Variants in HECW1 observed in about 807,000 individuals in gnomAD.
The protein encoded by HECW1 is E3 ubiquitin-protein ligase HECW1.
HECW1 carries 61 observed loss-of-function variants against 182.3 expected under a neutral mutation model. The observed-to-expected ratio is 0.33, with a 90% CI of 0.27 to 0.41. The LOEUF (loss-of-function observed/expected upper bound fraction) is 0.41. HECW1 is among the 10% of genes least tolerant of loss of function. HECW1 has a pLI of 1.00. For missense variants in HECW1, 1,739 were observed against 2,108.9 expected, an observed-to-expected ratio of 0.82 and a Z score of 3.44; for synonymous variants, 859 against 832.6, an observed-to-expected ratio of 1.03 and a Z score of -0.55.
At chr7:43,493,420 T>C (rs1417083013) in intron 19 of HECW1, among the ~76,000 whole-genome samples, 3 of 152,140 alleles carry the variant, frequency 2.0e-5, no homozygotes, top group African/African-American at 7.2e-5. Context: ...ATGATTTCCA[T>C]TGATGTAGGG....
intron 2 of HECW1, among the ~76,000 whole-genome samples, chr7:43,166,450 A>G (rs535953088): frequency 6.6e-6 from 1 of 152,270 alleles, no homozygotes; most frequent in South Asian, 2.1e-4. Flanking sequence ...CTATAATAGT[A>G]TTAGGATCTA....
chr7:43,183,841 T>G (rs145294313), intron 2 of HECW1, among the ~76,000 whole-genome samples: 1,537 of 152,288 alleles, frequency 0.01, 22 homozygotes, highest in African/African-American at 0.035. Flanking sequence ...TTTTTCTGAA[T>G]ACTGGAAGAA....
At chr7:43,332,688 A>ATT (rs2152792669) in intron 5 of HECW1, among the ~76,000 whole-genome samples, 1 of 152,282 alleles carries the variant, frequency 6.6e-6, no homozygotes, top group South Asian at 2.1e-4. Context: ...CCTGGGGAAC[A>ATT]GTACATGGGC....
At chr7:43,137,619 G>A (rs193082608) in intron 2 of HECW1, among the ~76,000 whole-genome samples, 7 of 151,626 alleles carry the variant, frequency 4.6e-5, no homozygotes, top group South Asian at 2.1e-4. Flanking sequence ...GTACAATCAC[G>A]GCTCACTGCA....
In HECW1 at chr7:43,444,798, G is replaced by A. The variant is rs769573297; in HGVS notation, c.1626G>A (p.Leu542=). ...CCTGCTCCTTGCCTGTGTCCGAGCT[G>A]GAGACGGTGATCGCGTCAGCCTGCG... is the stretch of plus-strand genomic sequence containing the variant. The part of the protein sequence containing the change: ...SRPCSLPVSE[L]ETVIASACGD... Residue 542 remains leucine, a synonymous_variant, in exon 11 of 30, where the codon CTG becomes CTA. Coordinates refer to ENST00000395891, the MANE Select transcript of HECW1 (RefSeq NM_015052.5). This position sits in a 1 kb window ranked among gnomAD's most constrained non-coding sequence, Gnocchi z 4.3. 2.5e-6 allele frequency: 4 copies of A among 1,614,114 alleles called. No individual in the cohort carries two copies. Among genetic ancestry groups the A allele is most frequent in the Non-Finnish European group, 3.4e-6 (4 of 1,180,030 alleles).
chr7:43,452,810 T>C (rs752474160), intron 12 of HECW1, among the ~76,000 whole-genome samples: 4 of 152,176 alleles, frequency 2.6e-5, no homozygotes, highest in African/African-American at 7.2e-5. Flanking sequence ...ATAGGCTTCA[T>C]TGAGAAGACA....
rs2077658254 is a variant in HECW1 at position 43,463,544 on chromosome 7, C to T, written c.2652-116C>T. ...TATCTTGTGGGAATTTTAAGCATTT[C>T]TTTCCTGACATTCAAGACAATTCTT... On this transcript the variant is annotated intron_variant, in intron 13 of 29. Transcript: ENST00000395891. 4.1e-5 allele frequency: 39 copies of T among 944,008 alleles called. No individual in the cohort carries two copies. In the South Asian group the frequency reaches 5.9e-4, roughly 14 times the overall value. 58.5% of individuals were successfully genotyped at this position (944,008 alleles called of 1,614,324 possible).
In HECW1 at chr7:43,444,584, T is replaced by C; in HGVS notation, c.1412T>C (p.Leu471Pro). 1 of 1,611,066 alleles carries C rather than the reference T, an allele frequency of 6.2e-7. No homozygotes were observed. The highest frequency in any genetic ancestry group is 8.5e-7 in the Non-Finnish European group (1 of 1,178,888). The change falls in exon 11 of 30, where the codon CTG (leucine) becomes CCG (proline). Residue 471 changes from leucine to proline, a missense_variant. Transcript: ENST00000395891. The surrounding 1 kb of genome is among the most constrained non-coding windows in gnomAD (Gnocchi z 4.3). ...GACCTGGGTGAGGAGGCATCAGCAC[T>C]GCTGCTGGAAGACGGTGAAGCCCCA... ...QLDLGEEASA[L>P]LLEDGEAPAS...
intron 24 of HECW1, among the ~76,000 whole-genome samples, chr7:43,512,275 C>G (rs1314962666): frequency 6.6e-6 from 1 of 152,188 alleles, no homozygotes; most frequent in Non-Finnish European, 1.5e-5. Context: ...CAGGATTTGG[C>G]CTGCAGGAAG....
At chr7:43,154,242 A>T (rs568746264) in intron 2 of HECW1, among the ~76,000 whole-genome samples, 13 of 152,238 alleles carry the variant, frequency 8.5e-5, no homozygotes, top group South Asian at 4.1e-4. Flanking sequence ...TGGTCCAGTG[A>T]TGTGGTTTGT....
intron 5 of HECW1, among the ~76,000 whole-genome samples, chr7:43,346,073 GT>G (rs1813642342): frequency 6.6e-6 from 1 of 152,160 alleles, no homozygotes; most frequent in Non-Finnish European, 1.5e-5. Flanking sequence ...TTGCCACACT[GT>G]TTTCCATAGT....
chr7:43,120,724 A>ACCTC (rs1785513183), intron 2 of HECW1, among the ~76,000 whole-genome samples: 1 of 151,660 alleles, frequency 6.6e-6, no homozygotes, highest in Admixed American at 6.6e-5. Flanking sequence ...GCTCACTACA[A>ACCTC]CCTCCGCCTC....
chr7:43,279,542 C>T (rs1266020599), intron 3 of HECW1, among the ~76,000 whole-genome samples: 1 of 152,102 alleles, frequency 6.6e-6, no homozygotes, highest in Non-Finnish European at 1.5e-5. Flanking sequence ...CTAGTCTTCA[C>T]TTAGTTCCTT....
At chr7:43,144,575 A>G (rs1788499172) in intron 2 of HECW1, among the ~76,000 whole-genome samples, 1 of 152,204 alleles carries the variant, frequency 6.6e-6, no homozygotes, top group African/African-American at 2.4e-5. Flanking sequence ...TTCAATTATA[A>G]TCCAATAATA....
chr7:43,445,649 A>G (rs6960889), intron 11 of HECW1, 79 bp downstream of exon 11: 1,176,140 of 1,450,050 alleles, frequency 0.81, 477,806 homozygotes, highest in East Asian at 0.84. Flanking sequence ...AAAAACAAGA[A>G]GGGCGGGGGA....
chr7:43,401,652 T>G (rs1458128229), intron 7 of HECW1, among the ~76,000 whole-genome samples: 1 of 143,460 alleles, frequency 7.0e-6, no homozygotes, highest in Non-Finnish European at 1.5e-5. Context: ...AGAACAATCC[T>G]CATGCTAATC....
chr7:43,267,684 C>T (rs950443501), intron 3 of HECW1, among the ~76,000 whole-genome samples: 5 of 151,990 alleles, frequency 3.3e-5, no homozygotes, highest in African/African-American at 9.7e-5. Flanking sequence ...GGACCAAACA[C>T]TCTGGCATAG....
chr7:43,546,048 C>A (rs755005274), intron 26 of HECW1, among the ~76,000 whole-genome samples: 19 of 151,154 alleles, frequency 1.3e-4, no homozygotes, highest in Middle Eastern at 3.2e-3. Context: ...TGTCTAACAT[C>A]GATTTGTTTT....
intron 2 of HECW1, among the ~76,000 whole-genome samples, chr7:43,218,208 G>A (rs1164636729): frequency 6.6e-6 from 1 of 152,210 alleles, no homozygotes; most frequent in African/African-American, 2.4e-5. Context: ...TTCAGTGTAA[G>A]ATATATTTAG....
Sources: gnomAD v4.1 joint callset for allele counts (sites outside exome capture counted in the v4.1 genomes callset) on GRCh38, gnomAD v4.1.1 for gene constraint, Gnocchi (gnomAD v3.1) non-coding constraint, MANE v1.5 for transcripts, NCBI Gene and HGNC (gene_info 2026-07-23, HGNC 2026-07-21) for gene names.